The following IDO2 variants were observed in gnomAD, a reference collection of about 807,000 sequenced individuals.
IDO2 encodes indoleamine 2,3-dioxygenase 2.
Under a neutral mutation model 45.1 loss-of-function variants are expected in IDO2, and 46 were observed. The observed-to-expected ratio is 1.02, with a 90% CI of 0.80 to 1.30. The LOEUF is 1.30. Ranked by LOEUF, IDO2 falls within the 50% of genes most tolerant of loss-of-function variation. The probability of loss-of-function intolerance (pLI) is 0.00; values close to 1 mark genes in which losing one functional copy is unlikely to be tolerated. For synonymous variants in IDO2, 218 were observed against 184.9 expected, an observed-to-expected ratio of 1.18 and a Z score of -1.45; for missense variants, 544 against 491.8, an observed-to-expected ratio of 1.11 and a Z score of -1.00.
intron 8 of IDO2, among the ~76,000 whole-genome samples, chr8:39,993,748 G>A (rs915562946): frequency 6.6e-6 from 1 of 152,176 alleles, no homozygotes; most frequent in Non-Finnish European, 1.5e-5. Context: ...GGTGGCTGAA[G>A]CCTGTAATCC....
intron 1 of IDO2, among the ~76,000 whole-genome samples, chr8:39,948,910 A>C (rs1474064768): frequency 6.6e-6 from 1 of 152,162 alleles, no homozygotes; most frequent in Non-Finnish European, 1.5e-5. Flanking sequence ...TTGGTGTGTA[A>C]GAGAAAATGA....
At chr8:39,983,133 T>C (rs1186981116) in intron 5 of IDO2, among the ~76,000 whole-genome samples, 3 of 152,230 alleles carry the variant, frequency 2.0e-5, no homozygotes, top group South Asian at 2.1e-4. Context: ...GTAATCATTA[T>C]ATAATGATCA....
At chr8:39,981,527 T>C (rs931937031) in intron 4 of IDO2, among the ~76,000 whole-genome samples, 2 of 152,000 alleles carry the variant, frequency 1.3e-5, no homozygotes, top group Admixed American at 1.3e-4. Context: ...GCCCTGGTAG[T>C]TCCAGGGGAC....
intron 3 of IDO2, among the ~76,000 whole-genome samples, chr8:39,969,345 C>T (rs1021562657): frequency 1.3e-5 from 2 of 152,086 alleles, no homozygotes; most frequent in Non-Finnish European, 2.9e-5. Context: ...TTTAATGTTA[C>T]TATCATAATC....
intron 8 of IDO2, among the ~76,000 whole-genome samples, chr8:39,990,159 C>T (rs560928559): frequency 1.3e-5 from 2 of 152,218 alleles, no homozygotes; most frequent in African/African-American, 4.8e-5. Context: ...TAATGTTGGT[C>T]GCGCGTGCCC....
chr8:40,006,139 G>A (rs773145518), intron 9 of IDO2, among the ~76,000 whole-genome samples: 1 of 152,116 alleles, frequency 6.6e-6, no homozygotes, highest in Non-Finnish European at 1.5e-5. Flanking sequence ...TTCTGTTATG[G>A]GTAGTCCCCA....
chr8:39,995,823 T>A (rs1802034573), intron 8 of IDO2, among the ~76,000 whole-genome samples: 1 of 152,016 alleles, frequency 6.6e-6, no homozygotes, highest in African/African-American at 2.4e-5. Flanking sequence ...CAGAAGAGTG[T>A]GAGCCTTCTG....
intron 4 of IDO2, among the ~76,000 whole-genome samples, chr8:39,980,014 G>A (rs1004035950): frequency 5.3e-5 from 8 of 152,090 alleles, no homozygotes; most frequent in Admixed American, 6.6e-5. Flanking sequence ...GTAGAGATGA[G>A]GGTCTTGCTG....
intron 8 of IDO2, among the ~76,000 whole-genome samples, chr8:40,000,875 A>T (rs928024596): frequency 1.3e-5 from 2 of 152,210 alleles, no homozygotes; most frequent in African/African-American, 2.4e-5. Context: ...TCATTTCTTC[A>T]TTCATTAATT....
At chr8:39,991,586 T>TTTTC (rs34922896) in intron 8 of IDO2, among the ~76,000 whole-genome samples, 2 of 116,288 alleles carry the variant, frequency 1.7e-5, no homozygotes, top group African/African-American at 6.0e-5. Flanking sequence ...TTTTTTTTTT[T>TTTTC]GTGAGATGGA....
At chr8:39,968,095 C>T (rs1435404220) in intron 3 of IDO2, among the ~76,000 whole-genome samples, 4 of 126,628 alleles carry the variant, frequency 3.2e-5, no homozygotes, top group Admixed American at 2.4e-4. Context: ...AAAAAAAAAT[C>T]TGGAAGAAAA....
intron 3 of IDO2, among the ~76,000 whole-genome samples, chr8:39,973,706 A>T (rs1808214686): frequency 6.6e-6 from 1 of 151,180 alleles, no homozygotes; most frequent in African/African-American, 2.4e-5. Context: ...TGAGAGCTGT[A>T]AAACGAAAAT....
intron 3 of IDO2, among the ~76,000 whole-genome samples, chr8:39,973,090 A>G (rs1376716326): frequency 6.6e-6 from 1 of 152,160 alleles, no homozygotes; most frequent in East Asian, 1.9e-4. Context: ...CTGGGGTTGA[A>G]CAATAAGTAA....
intron 5 of IDO2, 58 bp from the exon 6 acceptor site, chr8:39,985,449 GA>G: frequency 1.4e-6 from 2 of 1,439,564 alleles, no homozygotes; most frequent in Non-Finnish European, 1.9e-6. Context: ...TTTACAAACT[GA>G]ATTGTTCTTT....
chr8:39,940,448 G>A lies in IDO2; in HGVS notation c.-18+5230G>A, dbSNP rs373568807. Among the ~76,000 whole-genome samples, 22 of 152,290 alleles carry A rather than the reference G, an allele frequency of 1.4e-4. No individual in the cohort carries two copies. The East Asian group carries it at 3.3e-3, about 23-fold the overall frequency. On this transcript the variant is annotated intron_variant, in intron 1 of 10. Coordinates refer to ENST00000502986, the Ensembl canonical transcript of IDO2. ...TACTACATTAGTAGCAATCAGACCA[G>A]ATAGAACTGGAAGTGTGATGTAAAT...
intron 9 of IDO2, among the ~76,000 whole-genome samples, chr8:40,008,458 T>A (rs141531551): frequency 2.2e-3 from 339 of 152,312 alleles, no homozygotes; most frequent in African/African-American, 7.8e-3. Flanking sequence ...AGATTCAGCT[T>A]ACCTAGGTAA....
At chr8:39,963,243 T>C (rs990851109) in intron 2 of IDO2, among the ~76,000 whole-genome samples, 16 of 152,234 alleles carry the variant, frequency 1.1e-4, no homozygotes, top group Admixed American at 1.0e-3. Context: ...CCTCCAAAAA[T>C]TGGGATCAAC....
intron 1 of IDO2, among the ~76,000 whole-genome samples, chr8:39,945,310 T>C (rs1488611122): frequency 1.3e-5 from 2 of 152,168 alleles, no homozygotes; most frequent in Admixed American, 6.5e-5. Context: ...AAAGGAGAAA[T>C]GTGTACATGT....
chr8:39,986,210 A>G (rs1240022210), intron 6 of IDO2: 1 of 152,220 alleles, frequency 6.6e-6, no homozygotes, highest in Non-Finnish European at 1.5e-5. Flanking sequence ...GTCTACAGAA[A>G]AATCCCTTCA....
Sources: allele counts gnomAD v4.1 joint callset (sites outside exome capture counted in the v4.1 genomes callset), GRCh38; gene constraint gnomAD v4.1.1; transcripts MANE v1.5; gene names NCBI Gene and HGNC (gene_info 2026-07-23, HGNC 2026-07-21).